CLSTN2: variants seen among roughly 807,000 people sequenced by gnomAD.
The protein encoded by CLSTN2 is calsyntenin 2, also known as calsyntenin-2.
In CLSTN2, 48 loss-of-function variants were observed where a neutral mutation model predicts 101.2. That is an observed-to-expected ratio of 0.47 (90% confidence interval 0.38 to 0.60). The LOEUF (loss-of-function observed/expected upper bound fraction) is 0.60, where lower values mean the gene tolerates loss of function less well. Ranked by LOEUF, CLSTN2 falls within the 20% of genes least tolerant of loss-of-function variation. The probability of loss-of-function intolerance (pLI) is 0.00; values close to 1 mark genes in which losing one functional copy is unlikely to be tolerated. For missense variants in CLSTN2, 1,160 were observed against 1,238.2 expected (o/e 0.94, Z 0.95); for synonymous variants, 481 against 463.6 (o/e 1.04, Z -0.48).
chr3:140,398,039 A>G (rs1336346922), intron 2 of CLSTN2, among the ~76,000 whole-genome samples: 3 of 124,472 alleles, frequency 2.4e-5, no homozygotes, highest in Non-Finnish European at 5.6e-5. Flanking sequence ...AAATACTCTC[A>G]GTTCTTTTTC....
At chr3:140,257,430 G>A (rs1400147246) in intron 2 of CLSTN2, among the ~76,000 whole-genome samples, 1 of 152,146 alleles carries the variant, frequency 6.6e-6, no homozygotes, top group African/African-American at 2.4e-5. Flanking sequence ...CATGTGTTAT[G>A]ACAGCATCTT....
chr3:140,131,910 G>A (rs986952096), intron 1 of CLSTN2, among the ~76,000 whole-genome samples: 3 of 152,000 alleles, frequency 2.0e-5, no homozygotes, highest in African/African-American at 7.2e-5. Flanking sequence ...GAACTGGCTG[G>A]CAGATGGGGA....
At chr3:140,397,266 T>C (rs951067995) in intron 2 of CLSTN2, among the ~76,000 whole-genome samples, 9 of 152,156 alleles carry the variant, frequency 5.9e-5, no homozygotes, top group African/African-American at 2.2e-4. Context: ...GGTAGAAGTA[T>C]ATGAAGAAAA....
intron 4 of CLSTN2, among the ~76,000 whole-genome samples, chr3:140,416,874 G>C (rs2088436971): frequency 6.6e-6 from 1 of 152,204 alleles, no homozygotes. Context: ...CTCTCTCTTT[G>C]ACAGAAGGCT....
intron 2 of CLSTN2, among the ~76,000 whole-genome samples, chr3:140,265,034 A>C (rs1034183923): frequency 1.3e-5 from 2 of 152,168 alleles, no homozygotes; most frequent in African/African-American, 4.8e-5. Context: ...GCTGTAGTGC[A>C]TTATACACAT....
intron 8 of CLSTN2, among the ~76,000 whole-genome samples, chr3:140,525,717 AG>A (rs1208770012): frequency 2.0e-5 from 3 of 152,206 alleles, no homozygotes; most frequent in Admixed American, 2.0e-4. Flanking sequence ...CACATCACAA[AG>A]TTAAGTCGCC....
intron 4 of CLSTN2, among the ~76,000 whole-genome samples, chr3:140,419,969 T>C (rs1001542953): frequency 4.7e-5 from 7 of 149,978 alleles, no homozygotes; most frequent in East Asian, 3.9e-4. Context: ...CTCTGCTCAC[T>C]ACAACCTCCA....
intron 1 of CLSTN2, among the ~76,000 whole-genome samples, chr3:140,042,502 T>C (rs1576406964): frequency 6.6e-6 from 1 of 152,200 alleles, no homozygotes; most frequent in East Asian, 1.9e-4. Flanking sequence ...CCCAGATGCT[T>C]AATGACAGCT....
chr3:140,296,721 C>T (rs1396002351), intron 2 of CLSTN2, among the ~76,000 whole-genome samples: 1 of 152,230 alleles, frequency 6.6e-6, no homozygotes, highest in Non-Finnish European at 1.5e-5. Flanking sequence ...AGGTTTCTGG[C>T]TCCGACCATC....
intron 2 of CLSTN2, among the ~76,000 whole-genome samples, chr3:140,246,245 C>T (rs2086515994): frequency 6.6e-6 from 1 of 152,000 alleles, no homozygotes; most frequent in African/African-American, 2.4e-5. Context: ...TATTATTTTC[C>T]CCAGGAGAGT....
intron 2 of CLSTN2, among the ~76,000 whole-genome samples, chr3:140,194,978 A>G (rs928328892): frequency 3.3e-5 from 5 of 152,226 alleles, no homozygotes; most frequent in Non-Finnish European, 7.3e-5. Flanking sequence ...GAGGTTCCTC[A>G]TTGTACTACG....
At position 140,567,971 on chromosome 3, in the gene CLSTN2, T is replaced by G. The variant is rs544690093; in HGVS notation, c.*1718T>G. On this transcript the variant is annotated 3_prime_UTR_variant, in exon 17 of 17. Coordinates refer to ENST00000458420, the MANE Select transcript of CLSTN2 (RefSeq NM_022131.3). ...TTTTCCCACCTCCTAAAGTGTTTTC[T>G]GCATCTGTTCCTTCCTTTGGACCTC... 7 of 152,384 alleles carry G rather than the reference T, an allele frequency of 4.6e-5. No individual in the cohort carries two copies. The South Asian group carries it at 1.4e-3, about 32-fold the overall frequency. 9.4% of individuals were successfully genotyped at this position (152,384 alleles called of 1,614,324 possible).
intron 2 of CLSTN2, among the ~76,000 whole-genome samples, chr3:140,397,701 C>A (rs1304549978): frequency 2.3e-4 from 35 of 152,198 alleles, no homozygotes. Context: ...CTCCCAAAGG[C>A]TCCATCTCCT....
intron 1 of CLSTN2, among the ~76,000 whole-genome samples, chr3:139,995,166 G>C (rs757523329): frequency 5.9e-5 from 9 of 152,130 alleles, no homozygotes; most frequent in Non-Finnish European, 8.8e-5. Context: ...TGATTGCTGT[G>C]AGCATCCAGG....
Position 140,404,814 on chromosome 3 carries a change from C to T in CLSTN2, c.637+48C>T, listed in dbSNP as rs372597527. The stretch of plus-strand genomic sequence containing the variant: ...TGTGGGGTCAGGAAAACAAATCCAT[C>T]GCCTCCACTCTGAAGACCCAACATG... On this transcript the variant is annotated intron_variant, in intron 4 of 16. Coordinates refer to ENST00000458420, the MANE Select transcript of CLSTN2 (RefSeq NM_022131.3). 6.5e-3 allele frequency: 9,717 copies of T among 1,496,638 alleles called. 52 individuals are homozygous for T. Among genetic ancestry groups the T allele is most frequent in the South Asian group, 8.7e-3 (775 of 88,576 alleles). The allele number at this position is 1,496,638 out of a possible 1,614,324, so 92.7% of individuals were successfully genotyped here. A position where few individuals can be genotyped will look rare whatever the true frequency, so the allele number is the denominator to read the frequency against.
intron 5 of CLSTN2, among the ~76,000 whole-genome samples, chr3:140,430,634 T>C (rs1475512457): frequency 6.6e-6 from 1 of 152,196 alleles, no homozygotes; most frequent in Non-Finnish European, 1.5e-5. Flanking sequence ...GACCCCTGTG[T>C]GAAGCTCTTG....
At chr3:140,483,193 G>C (rs577417629) in intron 8 of CLSTN2, among the ~76,000 whole-genome samples, 40 of 152,184 alleles carry the variant, frequency 2.6e-4, no homozygotes, top group Admixed American at 8.5e-4. Flanking sequence ...CCTTCATTTC[G>C]TTATTTACCC....
chr3:140,106,786 T>G (rs1333931374), intron 1 of CLSTN2, among the ~76,000 whole-genome samples: 1 of 152,254 alleles, frequency 6.6e-6, no homozygotes, highest in Non-Finnish European at 1.5e-5. Context: ...TGGTAGATTT[T>G]TAGAATACTA....
chr3:140,374,899 A>G (rs1299097719), intron 2 of CLSTN2, among the ~76,000 whole-genome samples: 1 of 152,222 alleles, frequency 6.6e-6, no homozygotes, highest in Non-Finnish European at 1.5e-5. Context: ...GTCACAGACA[A>G]CTTTATCACT....
Sources: allele counts gnomAD v4.1 joint callset (sites outside exome capture counted in the v4.1 genomes callset), GRCh38; gene constraint gnomAD v4.1.1; transcripts MANE v1.5; gene names NCBI Gene and HGNC (gene_info 2026-07-23, HGNC 2026-07-21).